RAB27B: variants seen among roughly 807,000 people sequenced by gnomAD.
The protein encoded by RAB27B is ras-related protein Rab-27B.
RAB27B carries 15 observed loss-of-function variants against 24.6 expected under a neutral mutation model. The observed-to-expected ratio is 0.61, with a 90% CI of 0.41 to 0.94. RAB27B has a LOEUF of 0.94. RAB27B is among the 40% of genes least tolerant of loss of function. The probability of loss-of-function intolerance (pLI) is 0.00; values close to 1 mark genes in which losing one functional copy is unlikely to be tolerated. For missense variants in RAB27B, 261 were observed against 266.8 expected (o/e 0.98, Z 0.15); for synonymous variants, 105 against 92.5 (o/e 1.14, Z -0.78).
chr18:54,845,265 G>A (rs765228023), intron 1 of RAB27B, among the ~76,000 whole-genome samples: 3 of 151,872 alleles, frequency 2.0e-5, no homozygotes, highest in African/African-American at 4.8e-5. Flanking sequence ...AAATTACCCC[G>A]GTGTGGTGGC....
chr18:54,871,194 A>AT (rs1389427876), intron 1 of RAB27B, among the ~76,000 whole-genome samples: 2 of 152,214 alleles, frequency 1.3e-5, no homozygotes, highest in African/African-American at 4.8e-5. Context: ...ATAGAACAAA[A>AT]TGCTAAAAAA....
At chr18:54,795,177 G>A (rs1909376158) in intron 2 of RAB27B, among the ~76,000 whole-genome samples, 1 of 152,150 alleles carries the variant, frequency 6.6e-6, no homozygotes, top group African/African-American at 2.4e-5. Context: ...ACATGCCTGA[G>A]GCAAGAGAGT....
intron 2 of RAB27B, among the ~76,000 whole-genome samples, chr18:54,758,592 C>T (rs1598883344): frequency 7.1e-6 from 1 of 141,456 alleles, no homozygotes; most frequent in Non-Finnish European, 1.5e-5. Context: ...AGTTGGTAGA[C>T]AATGATGTCT....
At position 54,830,856 on chromosome 18, in the gene RAB27B, C is replaced by CT. The variant is rs377554875; in HGVS notation, c.-20+2157dup. Among the ~76,000 whole-genome samples the CT allele has an allele frequency of 8.8e-4, 133 of 151,752 alleles. 1 individual carries two copies. The highest frequency in any genetic ancestry group is 3.2e-3 in the African/African-American group (133 of 41,076). Reference sequence around the variant, plus strand: ...GATTGCCAATAAGGAGAGTAACACTCTGTTTATCAAATGGCCAAAAAAATC... The same window carrying CT: ...GATTGCCAATAAGGAGAGTAACACTCTTGTTTATCAAATGGCCAAAAAAATC... On this transcript the variant is annotated intron_variant, in intron 1 of 5. Transcript: ENST00000262094.
intron 2 of RAB27B, among the ~76,000 whole-genome samples, chr18:54,818,586 G>C (rs575250177): frequency 6.6e-6 from 1 of 152,120 alleles, no homozygotes; most frequent in South Asian, 2.1e-4. Flanking sequence ...TGGTTAGTAT[G>C]CCTCCACTGG....
intron 1 of RAB27B, among the ~76,000 whole-genome samples, chr18:54,838,964 C>T (rs1911001687): frequency 6.6e-6 from 1 of 151,918 alleles, no homozygotes; most frequent in African/African-American, 2.4e-5. Context: ...ATTATAGGGA[C>T]AAATCTCTTG....
intron 1 of RAB27B, among the ~76,000 whole-genome samples, chr18:54,831,696 A>G (rs1429680670): frequency 2.6e-5 from 4 of 152,216 alleles, no homozygotes; most frequent in African/African-American, 9.6e-5. Context: ...AAAAAATGTT[A>G]AAGGGTAATA....
chr18:54,839,936 T>C (rs1458626545), intron 1 of RAB27B, among the ~76,000 whole-genome samples: 1 of 152,234 alleles, frequency 6.6e-6, no homozygotes, highest in South Asian at 2.1e-4. Flanking sequence ...TTATAAATAA[T>C]AGTTGCTTTG....
At chr18:54,877,097 A>G (rs759009617) in intron 1 of RAB27B, among the ~76,000 whole-genome samples, 2 of 152,096 alleles carry the variant, frequency 1.3e-5, no homozygotes, top group Non-Finnish European at 2.9e-5. Flanking sequence ...ATGTTTTTTC[A>G]TGATAGTGAG....
chr18:54,827,116 G>C (rs2145176549), upstream of RAB27B, among the ~76,000 whole-genome samples: 1 of 152,284 alleles, frequency 6.6e-6, no homozygotes. Context: ...ATGCAAAGTA[G>C]ATTTATCATA....
At chr18:54,753,630 ATT>A (rs1907905945) in intron 2 of RAB27B, among the ~76,000 whole-genome samples, 1 of 151,880 alleles carries the variant, frequency 6.6e-6, no homozygotes, top group South Asian at 2.1e-4. Context: ...TTATTTTGTT[ATT>A]TGTTTTCTTC....
chr18:54,794,203 T>C (rs1909341950), intron 2 of RAB27B, among the ~76,000 whole-genome samples: 1 of 152,180 alleles, frequency 6.6e-6, no homozygotes, highest in Non-Finnish European at 1.5e-5. Flanking sequence ...AGTAAATTAA[T>C]ATATACAAAG....
chr18:54,885,142 T>C (rs927295938), intron 4 of RAB27B, among the ~76,000 whole-genome samples: 1 of 152,180 alleles, frequency 6.6e-6, no homozygotes, highest in Non-Finnish European at 1.5e-5. Flanking sequence ...CTTGATGTCA[T>C]AATAAAGGGC....
At chr18:54,738,665 T>C (rs1375228238) in intron 2 of RAB27B, among the ~76,000 whole-genome samples, 2 of 152,176 alleles carry the variant, frequency 1.3e-5, no homozygotes, top group Non-Finnish European at 2.9e-5. Context: ...ATCCCAGACA[T>C]TGCAATCAGA....
intron 1 of RAB27B, among the ~76,000 whole-genome samples, chr18:54,844,631 T>A (rs1308532199): frequency 2.0e-5 from 3 of 152,064 alleles, no homozygotes; most frequent in Non-Finnish European, 4.4e-5. Flanking sequence ...GGTCTCAAAC[T>A]CCTGACCTCA....
intron 2 of RAB27B, among the ~76,000 whole-genome samples, chr18:54,771,062 G>A (rs1403526151): frequency 6.6e-6 from 1 of 152,130 alleles, no homozygotes; most frequent in Non-Finnish European, 1.5e-5. Flanking sequence ...TATGAGGATG[G>A]AAGATGGATT....
chr18:54,827,641 C>T (rs1255185963), upstream of RAB27B, among the ~76,000 whole-genome samples: 1 of 152,162 alleles, frequency 6.6e-6, no homozygotes, highest in Non-Finnish European at 1.5e-5. Flanking sequence ...AAAATTCAAG[C>T]AGTCATTGGC....
At chr18:54,846,950 G>T (rs544152568) in intron 1 of RAB27B, among the ~76,000 whole-genome samples, 1 of 151,922 alleles carries the variant, frequency 6.6e-6, no homozygotes, top group East Asian at 1.9e-4. Flanking sequence ...TCCTGGGTTC[G>T]AGCGATTCTC....
At chr18:54,789,014 A>G in intron 2 of RAB27B, among the ~76,000 whole-genome samples, 1 of 152,202 alleles carries the variant, frequency 6.6e-6, no homozygotes, top group East Asian at 1.9e-4. Context: ...AGTAACTGTG[A>G]CATTTTTTTC....
Sources: gnomAD v4.1 joint callset for allele counts (sites outside exome capture counted in the v4.1 genomes callset) on GRCh38, gnomAD v4.1.1 for gene constraint, MANE v1.5 for transcripts, NCBI Gene and HGNC (gene_info 2026-07-23, HGNC 2026-07-21) for gene names.